TARP: variants seen among roughly 807,000 people sequenced by gnomAD.
the TARP span, among the ~76,000 whole-genome samples, chr7:38,268,716 C>T: frequency 2.9e-3 from 435 of 151,798 alleles, 2 homozygotes; most frequent in African/African-American, 9.9e-3. Flanking sequence ...ATTAAAAAGC[C>T]TGCTAACAAG....
chr7:38,267,675 C>T, the TARP span, among the ~76,000 whole-genome samples: 1 of 150,548 alleles, frequency 6.6e-6, no homozygotes, highest in East Asian at 1.9e-4. Context: ...ACTTGTTATA[C>T]TTGTGAGACA....
the TARP span, among the ~76,000 whole-genome samples, chr7:38,264,179 T>C: frequency 6.6e-6 from 1 of 151,994 alleles, no homozygotes; most frequent in Non-Finnish European, 1.5e-5. Context: ...TTCCATGTTA[T>C]ATTTTTAGCT....
At chr7:38,269,460 C>G in the TARP span, 7 of 722,316 alleles carry the variant, frequency 9.7e-6, no homozygotes, top group Admixed American at 2.0e-5. Flanking sequence ...CCTCTATTAC[C>G]TTGGAAATGT....
At chr7:38,260,119 GTTC>G in the TARP span, 10 of 1,590,496 alleles carry the variant, frequency 6.3e-6, no homozygotes, top group East Asian at 1.1e-4. Context: ...GCAGAAAGCC[GTTC>G]TTCTAAGCAG....
chr7:38,264,870 T>C, the TARP span, among the ~76,000 whole-genome samples: 9 of 151,778 alleles, frequency 5.9e-5, no homozygotes, highest in Non-Finnish European at 1.3e-4. Flanking sequence ...CATCATTTTG[T>C]CAACAATGAA....
chr7:38,271,872 T>C, the TARP span, among the ~76,000 whole-genome samples: 4 of 151,322 alleles, frequency 2.6e-5, no homozygotes, highest in Non-Finnish European at 5.9e-5. Context: ...CTGATATTGA[T>C]ATTGATATAA....
chr7:38,260,250 T>C, the TARP span: 1 of 1,347,054 alleles, frequency 7.4e-7, no homozygotes, highest in Non-Finnish European at 1.0e-6. Flanking sequence ...ATTGCACATG[T>C]TCTTTTTACA....
the TARP span, among the ~76,000 whole-genome samples, chr7:38,267,945 T>C: frequency 6.6e-6 from 1 of 151,508 alleles, no homozygotes; most frequent in African/African-American, 2.4e-5. Context: ...TTGTCCCCTT[T>C]CTTTAGCTAG....
chr7:38,268,253 T>C, the TARP span, among the ~76,000 whole-genome samples: 1 of 151,542 alleles, frequency 6.6e-6, no homozygotes, highest in African/African-American at 2.4e-5. Flanking sequence ...TATGTACATT[T>C]ATTTGCAAAA....
the TARP span, among the ~76,000 whole-genome samples, chr7:38,268,276 T>G: frequency 5.9e-5 from 9 of 151,522 alleles, no homozygotes; most frequent in African/African-American, 2.2e-4. Flanking sequence ...AAATAGTATA[T>G]TTGAGTTAAA....
the TARP span, among the ~76,000 whole-genome samples, chr7:38,273,089 T>C: frequency 6.6e-6 from 1 of 150,904 alleles, no homozygotes; most frequent in Non-Finnish European, 1.5e-5. Flanking sequence ...ATAAACAAAC[T>C]CATTGGACCA....
the TARP span, chr7:38,265,805 C>A: frequency 2.8e-6 from 2 of 720,774 alleles, no homozygotes; most frequent in Non-Finnish European, 4.7e-6. Context: ...TCCACTGCGG[C>A]CTTTCATCCA....
chr7:38,267,277 A>T, the TARP span, among the ~76,000 whole-genome samples: 1 of 151,930 alleles, frequency 6.6e-6, no homozygotes, highest in Non-Finnish European at 1.5e-5. Flanking sequence ...GTCAAGATAC[A>T]TAACAAAGCA....
the TARP span, chr7:38,262,257 T>G: frequency 6.9e-7 from 1 of 1,451,818 alleles, no homozygotes; most frequent in Admixed American, 1.7e-5. Context: ...ATTGTTCGTG[T>G]GTGTGTGTGT....
the TARP span, chr7:38,265,246 T>C: frequency 1.1e-6 from 1 of 882,248 alleles, no homozygotes; most frequent in Non-Finnish European, 1.7e-6. Context: ...TGTAACAATA[T>C]TTAAGAAAGA....
the TARP span, among the ~76,000 whole-genome samples, chr7:38,268,372 A>G: frequency 6.6e-6 from 1 of 151,662 alleles, no homozygotes. Flanking sequence ...GGTATGATAT[A>G]TTAAATCTAC....
the TARP span, among the ~76,000 whole-genome samples, chr7:38,267,317 A>C: frequency 6.6e-6 from 1 of 151,982 alleles, no homozygotes; most frequent in African/African-American, 2.4e-5. Context: ...TATCACTTGA[A>C]TCTGGAATGT....
the TARP span, among the ~76,000 whole-genome samples, chr7:38,266,273 A>C: frequency 7.6e-6 from 1 of 132,398 alleles, no homozygotes; most frequent in Non-Finnish European, 1.6e-5. Flanking sequence ...TATTTATCTT[A>C]TTATTTATCT....
the TARP span, among the ~76,000 whole-genome samples, chr7:38,263,252 T>C: frequency 6.6e-6 from 1 of 152,090 alleles, no homozygotes; most frequent in Non-Finnish European, 1.5e-5. Flanking sequence ...TGAAGTGAGT[T>C]GTATTATGTA....
Sources: allele counts gnomAD v4.1 joint callset (sites outside exome capture counted in the v4.1 genomes callset), GRCh38; gene constraint gnomAD v4.1.1; transcripts MANE v1.5.